The following SLC35F3 variants were observed in gnomAD, a reference collection of about 807,000 sequenced individuals.
The protein encoded by SLC35F3 is solute carrier family 35 member F3.
A neutral mutation model predicts 49.9 loss-of-function variants in SLC35F3; 25 were observed. The observed-to-expected ratio is 0.50, with a 90% CI of 0.37 to 0.70. The LOEUF is 0.70. Ranked by LOEUF, SLC35F3 falls within the 30% of genes least tolerant of loss-of-function variation. The pLI, the probability that SLC35F3 is intolerant of heterozygous loss-of-function variation, is 0.00. For missense variants in SLC35F3, 525 were observed against 639.8 expected, an observed-to-expected ratio of 0.82 and a Z score of 1.94; for synonymous variants, 275 against 265.4, an observed-to-expected ratio of 1.04 and a Z score of -0.35.
chr1:233,910,020 A>G (rs767096837), intron 2 of SLC35F3, among the ~76,000 whole-genome samples: 7 of 152,176 alleles, frequency 4.6e-5, no homozygotes, highest in Non-Finnish European at 8.8e-5. Context: ...GTGTCTTCTG[A>G]AGATTTGAAA....
chr1:234,269,955 A>G (rs538782383), intron 3 of SLC35F3, among the ~76,000 whole-genome samples: 3 of 152,236 alleles, frequency 2.0e-5, no homozygotes, highest in Admixed American at 6.5e-5. Flanking sequence ...CTTCTTGTAC[A>G]GCCTGCAAAC....
Position 234,137,763 on chromosome 1 carries a change from T to C in SLC35F3, c.284-93654T>C, listed in dbSNP as rs114059450. Among the ~76,000 whole-genome samples, 742 of 152,238 alleles carry C rather than the reference T, an allele frequency of 4.9e-3. 4 individuals are homozygous for C. The highest frequency in any genetic ancestry group is 0.018 in the African/African-American group (727 of 41,540). ...AAGCAGGAGCACATGTCGCAGCAAG[T>C]AGCTGCAAATTAGCAGGAGAGACAG... On this transcript the variant is annotated intron_variant, in intron 2 of 7. Coordinates refer to ENST00000366618, the MANE Select transcript of SLC35F3 (RefSeq NM_173508.4).
chr1:234,185,830 A>G (rs1444747568), intron 2 of SLC35F3, among the ~76,000 whole-genome samples: 2 of 152,198 alleles, frequency 1.3e-5, no homozygotes, highest in Admixed American at 1.3e-4. Flanking sequence ...ATTTTATAAT[A>G]TGTTTGCTCT....
In SLC35F3 at chr1:234,214,341, G is replaced by A. The variant is rs1160861243; in HGVS notation, c.284-17076G>A. On this transcript the variant is annotated intron_variant, in intron 2 of 7. Transcript: ENST00000366618. This position sits in a 1 kb window ranked among gnomAD's most constrained non-coding sequence, Gnocchi z 8.0. ...GTGAGCAACGCGGCAACCGGAGCCC[G>A]GCGGGCAGCCGGGGAGGCCGGGACT... 3.0e-6 allele frequency: 4 copies of A among 1,312,938 alleles called. No individual in the cohort carries two copies. The African/African-American group carries it at 6.2e-5, about 20-fold the overall frequency. 81.3% of individuals were successfully genotyped at this position (1,312,938 alleles called of 1,614,324 possible). A position where few individuals can be genotyped will look rare whatever the true frequency, so the allele number is the denominator to read the frequency against.
intron 3 of SLC35F3, among the ~76,000 whole-genome samples, chr1:234,246,129 A>C (rs890970526): frequency 1.3e-5 from 2 of 152,168 alleles, no homozygotes; most frequent in Non-Finnish European, 2.9e-5. Context: ...AGAGTAGTAC[A>C]CTGGCCTCTG....
chr1:233,925,728 C>T (rs1337030537), intron 2 of SLC35F3, among the ~76,000 whole-genome samples: 6 of 152,178 alleles, frequency 3.9e-5, no homozygotes, highest in Non-Finnish European at 7.3e-5. Flanking sequence ...TTCCTAGCAT[C>T]GATGGTCTTT....
intron 2 of SLC35F3, among the ~76,000 whole-genome samples, chr1:234,169,655 C>T (rs1369345743): frequency 1.3e-5 from 2 of 152,196 alleles, no homozygotes; most frequent in Non-Finnish European, 2.9e-5. Flanking sequence ...CACAGGAAGT[C>T]CAGGCTTAGA....
intron 2 of SLC35F3, among the ~76,000 whole-genome samples, chr1:234,037,049 A>G (rs1414681618): frequency 6.6e-6 from 1 of 152,204 alleles, no homozygotes; most frequent in Non-Finnish European, 1.5e-5. Flanking sequence ...GTTAGATACT[A>G]TTTGTCCTAG....
At chr1:234,012,190 A>G (rs909964448) in intron 2 of SLC35F3, among the ~76,000 whole-genome samples, 6 of 152,242 alleles carry the variant, frequency 3.9e-5, no homozygotes, top group African/African-American at 1.4e-4. Flanking sequence ...GTAAAGAATA[A>G]CAAGGCAGCA....
intron 2 of SLC35F3, among the ~76,000 whole-genome samples, chr1:234,059,681 CAGACAT>C (rs1664512776): frequency 1.4e-5 from 2 of 147,640 alleles, no homozygotes; most frequent in South Asian, 4.3e-4. Flanking sequence ...TAGACATAGA[CAGACAT>C]AGACATAGAC....
chr1:233,943,141 A>T (rs1662455367), intron 2 of SLC35F3, among the ~76,000 whole-genome samples: 1 of 152,220 alleles, frequency 6.6e-6, no homozygotes, highest in Non-Finnish European at 1.5e-5. Flanking sequence ...TTCCAGGGTA[A>T]TTCTGGTGAT....
rs1436917676 is a variant in SLC35F3, at chr1:234,231,689, G to A, written c.556G>A (p.Val186Met). The stretch of plus-strand genomic sequence containing the variant: ...CTTTTTATTCTTCCCGTTGTACTAC[G>A]TGGGGCACGTCTGCAAGTCCACAGA... ...WNFLFFPLYY[V>M]GHVCKSTEKQ... The change falls in exon 3 of 8, where the codon GTG becomes ATG. Residue 186 changes from valine to methionine, a missense_variant. Around this residue, in one of 4 missense-constraint regions of SLC35F3, gnomAD observed 216 missense variants for 298.1 expected, o/e 0.72. Transcript: ENST00000366618. The surrounding 1 kb of genome is among the most constrained non-coding windows in gnomAD (Gnocchi z 5.4). The A allele has an allele frequency of 4.3e-6, 7 of 1,613,938 alleles. No homozygotes were observed. The Admixed American group carries it at 8.3e-5, about 19-fold the overall frequency.
At chr1:234,071,342 A>T (rs749507916) in intron 2 of SLC35F3, among the ~76,000 whole-genome samples, 6 of 152,160 alleles carry the variant, frequency 3.9e-5, no homozygotes, top group Non-Finnish European at 5.9e-5. Flanking sequence ...CTCCATCATC[A>T]TGGTGCTTCT....
chr1:233,913,441 T>G (rs1661916319), intron 2 of SLC35F3, among the ~76,000 whole-genome samples: 1 of 152,224 alleles, frequency 6.6e-6, no homozygotes. Flanking sequence ...GTCACTTCTT[T>G]TACATAGTCA....
chr1:234,258,044 T>C (rs1667848483), intron 3 of SLC35F3, among the ~76,000 whole-genome samples: 1 of 152,170 alleles, frequency 6.6e-6, no homozygotes, highest in South Asian at 2.1e-4. Flanking sequence ...TTCACTGAGA[T>C]GGTGGTATTG....
In SLC35F3 at chr1:234,297,665, G is replaced by A. The variant is rs1668625221; in HGVS notation, c.609-11436G>A. ...AGGCCAAGGTGGGAAGATTACTTGA[G>A]CCCTGGAGATTGAGGCTGCAGTGAG... On this transcript the variant is annotated intron_variant, in intron 3 of 7. Transcript: ENST00000366618. 2.6e-5 allele frequency among the ~76,000 whole-genome samples: 4 copies of A among 151,504 alleles called. No individual in the cohort carries two copies. In the South Asian group the frequency reaches 8.3e-4, roughly 32 times the overall value.
chr1:234,276,810 C>A (rs951452763), intron 3 of SLC35F3, among the ~76,000 whole-genome samples: 3 of 152,132 alleles, frequency 2.0e-5, no homozygotes, highest in Non-Finnish European at 4.4e-5. Flanking sequence ...AGAAAAATAG[C>A]GATTTTATTA....
rs1558239945 is a variant in SLC35F3 at position 234,139,964 on chromosome 1, T to TAAAATAAAATAAAATA, written c.284-91449_284-91434dup. ...TCCATCTCAAAATAATAAAATAAAA[T>TAAAATAAAATAAAATA]AAAATAAAATAAAATAAAATAAAAT... On this transcript the variant is annotated intron_variant, in intron 2 of 7. Transcript: ENST00000366618. Among the ~76,000 whole-genome samples the TAAAATAAAATAAAATA allele has an allele frequency of 4.2e-4, 54 of 128,490 alleles. 3 individuals are homozygous for TAAAATAAAATAAAATA. The highest frequency in any genetic ancestry group is 7.3e-4 in the Non-Finnish European group (44 of 60,400). The allele number at this position is 128,490 out of a possible 152,430, so 84.3% of individuals were successfully genotyped here.
intron 3 of SLC35F3, among the ~76,000 whole-genome samples, chr1:234,258,901 C>G (rs1002722474): frequency 6.6e-6 from 1 of 152,228 alleles, no homozygotes; most frequent in Non-Finnish European, 1.5e-5. Context: ...AAAAGTCATG[C>G]TGTGTTCTAC....
Sources: allele counts gnomAD v4.1 joint callset (sites outside exome capture counted in the v4.1 genomes callset), GRCh38; gene constraint gnomAD v4.1.1; regional missense constraint gnomAD v4.1.1; non-coding constraint Gnocchi (gnomAD v3.1); transcripts MANE v1.5; gene names NCBI Gene and HGNC (gene_info 2026-07-23, HGNC 2026-07-21).